The following RIT2 variants were observed in gnomAD, a reference collection of about 807,000 sequenced individuals.
RIT2 encodes Ras like without CAAX 2.
Under a neutral mutation model 23.7 loss-of-function variants are expected in RIT2, and 24 were observed. The observed-to-expected ratio is 1.01, with a 90% CI of 0.73 to 1.43. The LOEUF is 1.43. Ranked by LOEUF, RIT2 falls within the 40% of genes most tolerant of loss-of-function variation. RIT2 has a pLI of 0.00. For synonymous variants in RIT2, 107 were observed against 91.1 expected (o/e 1.17, Z -0.99); for missense variants, 236 against 266.9 (o/e 0.88, Z 0.81).
chr18:42,813,029 A>C (rs1371682583), intron 4 of RIT2, among the ~76,000 whole-genome samples: 1 of 152,224 alleles, frequency 6.6e-6, no homozygotes, highest in Non-Finnish European at 1.5e-5. Flanking sequence ...AGTTAGGTTC[A>C]TGTTAGTATC....
rs188623190 is a variant in RIT2, at chr18:43,060,060, C to A, written c.104-26193G>T. On this transcript the variant is annotated intron_variant, in intron 1 of 4. Coordinates refer to ENST00000326695, the MANE Select transcript of RIT2 (RefSeq NM_002930.4). ...TTTGTGAACTGAAGTTCATCCATGA[C>A]AACACAGCATATTAACTAAATAATT... Among the ~76,000 whole-genome samples the A allele has an allele frequency of 4.6e-4, 70 of 152,176 alleles. 2 individuals are homozygous for A. Among genetic ancestry groups the A allele is most frequent in the Admixed American group, 4.5e-3 (69 of 15,268 alleles).
At chr18:42,899,816 T>C (rs977720679) in intron 4 of RIT2, among the ~76,000 whole-genome samples, 9 of 152,150 alleles carry the variant, frequency 5.9e-5, no homozygotes, top group African/African-American at 2.2e-4. Flanking sequence ...TTAAATTAGC[T>C]TGTAGTTCCT....
intron 4 of RIT2, among the ~76,000 whole-genome samples, chr18:42,860,969 G>A (rs1383861629): frequency 6.6e-6 from 1 of 152,166 alleles, no homozygotes; most frequent in Non-Finnish European, 1.5e-5. Flanking sequence ...GGGTGTGTGT[G>A]TTTTTGTGTG....
chr18:42,944,133 CAA>C (rs1044255816), intron 3 of RIT2, among the ~76,000 whole-genome samples: 3 of 152,032 alleles, frequency 2.0e-5, no homozygotes. Context: ...GTGGAAAAAA[CAA>C]AAAGTCTTGA....
At chr18:42,912,113 G>C (rs906249484) in intron 4 of RIT2, among the ~76,000 whole-genome samples, 3 of 151,188 alleles carry the variant, frequency 2.0e-5, no homozygotes, top group African/African-American at 7.3e-5. Context: ...TTTATTCCAG[G>C]TATGTGAGAC....
intron 4 of RIT2, among the ~76,000 whole-genome samples, chr18:42,859,938 G>C (rs1907283071): frequency 6.6e-6 from 1 of 151,326 alleles, no homozygotes; most frequent in South Asian, 2.1e-4. Context: ...GAATATGTCA[G>C]AAATTTTCAG....
At chr18:42,827,245 A>G (rs1172746470) in intron 4 of RIT2, among the ~76,000 whole-genome samples, 1 of 152,212 alleles carries the variant, frequency 6.6e-6, no homozygotes, top group Non-Finnish European at 1.5e-5. Flanking sequence ...GCTGAGGAAA[A>G]GAAGAATGTT....
chr18:43,107,098 A>G (rs1437008162), intron 1 of RIT2, among the ~76,000 whole-genome samples: 1 of 152,162 alleles, frequency 6.6e-6, no homozygotes, highest in Non-Finnish European at 1.5e-5. Context: ...GCACAGAAAT[A>G]ATCGGTCATA....
intron 4 of RIT2, among the ~76,000 whole-genome samples, chr18:42,882,456 G>A (rs930342339): frequency 6.6e-6 from 1 of 152,168 alleles, no homozygotes; most frequent in Admixed American, 6.5e-5. Context: ...ATGCTTTAAA[G>A]ACTTTGACCT....
chr18:42,849,965 T>C (rs1369822102), intron 4 of RIT2, among the ~76,000 whole-genome samples: 1 of 152,100 alleles, frequency 6.6e-6, no homozygotes, highest in African/African-American at 2.4e-5. Flanking sequence ...TAAACAATAA[T>C]AGTCCACAAT....
chr18:42,780,565 CAT>C lies in RIT2; in HGVS notation c.427-36847_427-36846del, dbSNP rs151287871. 4.7e-3 allele frequency among the ~76,000 whole-genome samples: 715 copies of C among 152,264 alleles called. 5 individuals are homozygous for C. The highest frequency in any genetic ancestry group is 0.016 in the African/African-American group (678 of 41,556). ...AGAGACTTTTGCAGGACCATTTCAA[CAT>C]ATGTCAAAGAAACATATTTTGAGGT... On this transcript the variant is annotated intron_variant, in intron 4 of 4. Transcript: ENST00000326695.
intron 3 of RIT2, among the ~76,000 whole-genome samples, chr18:42,958,035 G>T (rs896804512): frequency 1.3e-5 from 2 of 152,122 alleles, no homozygotes; most frequent in Non-Finnish European, 2.9e-5. Context: ...GTGAGTTAAA[G>T]AGGAGGCTGG....
chr18:42,884,001 T>C (rs577965331), intron 4 of RIT2, among the ~76,000 whole-genome samples: 66 of 152,316 alleles, frequency 4.3e-4, no homozygotes, highest in African/African-American at 1.6e-3. Flanking sequence ...GCCAATAAAC[T>C]TCTATGTAAT....
chr18:42,884,285 G>A (rs1164002586), intron 4 of RIT2, among the ~76,000 whole-genome samples: 1 of 152,170 alleles, frequency 6.6e-6, no homozygotes, highest in African/African-American at 2.4e-5. Flanking sequence ...CCCGGAGGGT[G>A]GAGACTCTCA....
At chr18:43,004,230 T>C (rs1911175819) in intron 2 of RIT2, among the ~76,000 whole-genome samples, 1 of 151,754 alleles carries the variant, frequency 6.6e-6, no homozygotes, top group South Asian at 2.1e-4. Context: ...ACTAAATGTA[T>C]TTAATTATTA....
intron 4 of RIT2, among the ~76,000 whole-genome samples, chr18:42,882,641 G>C (rs1907924462): frequency 6.6e-6 from 1 of 152,196 alleles, no homozygotes; most frequent in Non-Finnish European, 1.5e-5. Flanking sequence ...TCTAGTCACT[G>C]TCACTTTTTA....
At chr18:42,862,423 CA>C (rs1229947037) in intron 4 of RIT2, among the ~76,000 whole-genome samples, 6 of 152,114 alleles carry the variant, frequency 3.9e-5, no homozygotes, top group Non-Finnish European at 5.9e-5. Flanking sequence ...TTCTTTATAG[CA>C]TGTGAAAATA....
intron 3 of RIT2, among the ~76,000 whole-genome samples, chr18:42,969,396 G>A (rs1443316306): frequency 3.3e-5 from 5 of 152,096 alleles, no homozygotes; most frequent in Non-Finnish European, 5.9e-5. Context: ...TTTCAGAGAA[G>A]AATTATATAA....
Position 43,048,690 on chromosome 18 carries a change from G to C in RIT2, c.104-14823C>G, listed in dbSNP as rs181511067. ...TTATTTGGAATGACTCAAATGATTT[G>C]TCTTTTTCAATGTTTCATCATGGTC... is the stretch of plus-strand genomic sequence containing the variant. On this transcript the variant is annotated intron_variant, in intron 1 of 4. Transcript: ENST00000326695. Among the ~76,000 whole-genome samples the C allele has an allele frequency of 2.5e-4, 38 of 152,180 alleles. No individual in the cohort carries two copies. In the East Asian group the frequency reaches 4.3e-3, roughly 17 times the overall value.
Sources: gnomAD v4.1 joint callset for allele counts (sites outside exome capture counted in the v4.1 genomes callset) on GRCh38, gnomAD v4.1.1 for gene constraint, MANE v1.5 for transcripts, NCBI Gene and HGNC (gene_info 2026-07-23, HGNC 2026-07-21) for gene names.